The following COL23A1 variants were observed in gnomAD, a reference collection of about 807,000 sequenced individuals.
COL23A1 encodes collagen alpha-1(XXIII) chain.
A neutral mutation model predicts 99.3 loss-of-function variants in COL23A1; 97 were observed. That is an observed-to-expected ratio of 0.98 (90% CI 0.83 to 1.16). The LOEUF (loss-of-function observed/expected upper bound fraction) is 1.16, where lower values mean the gene tolerates loss of function less well. COL23A1 is among the 50% of genes most tolerant of loss of function. The pLI, the probability that COL23A1 is intolerant of heterozygous loss-of-function variation, is 0.00. For missense variants in COL23A1, 762 were observed against 757.4 expected (o/e 1.01, Z -0.07); for synonymous variants, 320 against 308.2 (o/e 1.04, Z -0.40).
Position 178,589,516 on chromosome 5 carries a change from TCA to T in COL23A1, c.294+386_294+387del, listed in dbSNP as rs1764160565. 6.6e-6 allele frequency among the ~76,000 whole-genome samples: 1 copy of T among 152,140 alleles called. No individual in the cohort carries two copies. The highest frequency in any genetic ancestry group is 6.5e-5 in the Admixed American group (1 of 15,278). On this transcript the variant is annotated intron_variant, in intron 1 of 28. Coordinates refer to ENST00000390654, the MANE Select transcript of COL23A1 (RefSeq NM_173465.4). This position sits in a 1 kb window ranked among gnomAD's most constrained non-coding sequence, Gnocchi z 5.4. ...GGTTAGGAACAGTAGGTGCTACTGG[TCA>T]CAGTCACCAGATACTTCCCACGAGC...
intron 2 of COL23A1, among the ~76,000 whole-genome samples, chr5:178,479,756 TTG>T (rs879790066): frequency 4.1e-4 from 63 of 152,214 alleles, no homozygotes; most frequent in Non-Finnish European, 5.9e-5. Context: ...AACAAAATAC[TTG>T]TAAGTGAAAT....
intron 1 of COL23A1, among the ~76,000 whole-genome samples, chr5:178,585,633 C>CGCCCTACAGCCCTGGATGGCGCTGGGGTA (rs1763931856): frequency 4.0e-5 from 1 of 25,078 alleles, no homozygotes; most frequent in Non-Finnish European, 7.7e-5. Flanking sequence ...GCTGGGGTAA[C>CGCCCTACAGCCCTGGATGGCGCTGGGGTA]ACTCCACAGC....
rs1446226123 is a variant in COL23A1, at chr5:178,256,399, T to C, written c.838-2A>G. 1 of 1,605,880 alleles carries C rather than the reference T, an allele frequency of 6.2e-7. No individual in the cohort carries two copies. The highest frequency in any genetic ancestry group is 2.2e-5 in the East Asian group (1 of 44,752). ...CGTGCCTCGGTGGCCAGGCTCCCCC[T>C]GTGGAGACATGCATTTGCAGCCAGA... On this transcript the variant is annotated splice_acceptor_variant, in intron 14 of 28. Transcript: ENST00000390654. LOFTEE classifies it high-confidence loss of function.
chr5:178,511,638 C>T (rs1759211293), intron 2 of COL23A1, among the ~76,000 whole-genome samples: 1 of 152,214 alleles, frequency 6.6e-6, no homozygotes, highest in Admixed American at 6.5e-5. Flanking sequence ...TGGGCTCAGG[C>T]TCACTTTACT....
chr5:178,476,406 A>G (rs1757028855), intron 2 of COL23A1, among the ~76,000 whole-genome samples: 1 of 152,130 alleles, frequency 6.6e-6, no homozygotes, highest in African/African-American at 2.4e-5. Context: ...GACAATCTGG[A>G]TTTGTGTGCC....
At chr5:178,542,570 A>T (rs1212502082) in intron 2 of COL23A1, among the ~76,000 whole-genome samples, 1 of 152,170 alleles carries the variant, frequency 6.6e-6, no homozygotes, top group East Asian at 1.9e-4. Context: ...GCTGGAAACA[A>T]ACCAGAAGGC....
At chr5:178,556,988 T>C (rs1283927751) in intron 2 of COL23A1, among the ~76,000 whole-genome samples, 1 of 151,922 alleles carries the variant, frequency 6.6e-6, no homozygotes, top group Non-Finnish European at 1.5e-5. Flanking sequence ...AAAAGTAAAG[T>C]AAAATAAAAT....
At chr5:178,532,455 C>T (rs1760700379) in intron 2 of COL23A1, among the ~76,000 whole-genome samples, 1 of 151,712 alleles carries the variant, frequency 6.6e-6, no homozygotes, top group Admixed American at 6.6e-5. Flanking sequence ...TCCAGAGACA[C>T]AGACTCAGCC....
chr5:178,438,299 T>C (rs908267683), intron 2 of COL23A1, among the ~76,000 whole-genome samples: 13 of 152,166 alleles, frequency 8.5e-5, no homozygotes, highest in African/African-American at 3.1e-4. Context: ...TTGGGTTACA[T>C]GAGCAAGAAT....
At chr5:178,330,703 CCT>C (rs967169050) in intron 2 of COL23A1, among the ~76,000 whole-genome samples, 1 of 152,076 alleles carries the variant, frequency 6.6e-6, no homozygotes, top group African/African-American at 2.4e-5. Context: ...CCTGTGTGGC[CCT>C]GTCTGATCTG....
At chr5:178,573,062 G>A (rs1291777221) in intron 1 of COL23A1, among the ~76,000 whole-genome samples, 1 of 152,196 alleles carries the variant, frequency 6.6e-6, no homozygotes, top group Non-Finnish European at 1.5e-5. Flanking sequence ...ATGGAAGGGA[G>A]GGAACTGAAC....
intron 2 of COL23A1, among the ~76,000 whole-genome samples, chr5:178,329,936 C>CA (rs11367167): frequency 9.5e-4 from 129 of 135,366 alleles, no homozygotes; most frequent in Middle Eastern, 7.9e-3. Flanking sequence ...GATTCTGTCT[C>CA]AAAAAAAAAA....
chr5:178,305,096 C>T (rs1380814773), intron 3 of COL23A1, among the ~76,000 whole-genome samples: 5 of 151,994 alleles, frequency 3.3e-5, no homozygotes, highest in Non-Finnish European at 5.9e-5. Flanking sequence ...AAACCCTTTA[C>T]GAGGGTAGAA....
At position 178,375,664 on chromosome 5, in the gene COL23A1, C is replaced by A. The variant is rs73806135; in HGVS notation, c.362-68745G>T. 4.2e-3 allele frequency among the ~76,000 whole-genome samples: 646 copies of A among 152,310 alleles called. 4 individuals are homozygous for A. The highest frequency in any genetic ancestry group is 0.014 in the African/African-American group (597 of 41,572). The stretch of plus-strand genomic sequence containing the variant: ...CACTGAGGTGGCCCCTGTGCTGGAT[C>A]CCCGTCTCCACCAGAAATCCACTTG... On this transcript the variant is annotated intron_variant, in intron 2 of 28. Coordinates refer to ENST00000390654, the MANE Select transcript of COL23A1 (RefSeq NM_173465.4).
At chr5:178,252,630 G>A (rs1282111751) in intron 16 of COL23A1, 33 bp from the exon 17 acceptor site, 1 of 1,579,744 alleles carries the variant, frequency 6.3e-7, no homozygotes, top group East Asian at 2.3e-5. Flanking sequence ...TCAGTGTCAT[G>A]GGTTAGGCAG....
At chr5:178,347,371 C>A (rs574522095) in intron 2 of COL23A1, among the ~76,000 whole-genome samples, 10 of 151,906 alleles carry the variant, frequency 6.6e-5, no homozygotes, top group Non-Finnish European at 1.5e-4. Flanking sequence ...ACAGGCGAAT[C>A]CAGAGAGACT....
chr5:178,304,505 C>CAAAA (rs35806686), intron 3 of COL23A1, among the ~76,000 whole-genome samples: 3 of 32,210 alleles, frequency 9.3e-5, no homozygotes, highest in African/African-American at 8.3e-5. Flanking sequence ...GCGACTGTCT[C>CAAAA]AAAAAAAAAA....
intron 18 of COL23A1, among the ~76,000 whole-genome samples, chr5:178,249,716 A>ACACACACACACTCACTCTCT: frequency 9.7e-5 from 9 of 92,750 alleles, no homozygotes; most frequent in Admixed American, 3.3e-4. Context: ...ACACACACAC[A>ACACACACACACTCACTCTCT]CTCTCTCTCT....
intron 2 of COL23A1, among the ~76,000 whole-genome samples, chr5:178,506,738 T>G (rs1314045088): frequency 6.6e-6 from 1 of 152,228 alleles, no homozygotes; most frequent in Non-Finnish European, 1.5e-5. Context: ...TACAATTACT[T>G]ATGGTCACAT....
Sources: allele counts gnomAD v4.1 joint callset (sites outside exome capture counted in the v4.1 genomes callset), GRCh38; gene constraint gnomAD v4.1.1; non-coding constraint Gnocchi (gnomAD v3.1); transcripts MANE v1.5; gene names NCBI Gene and HGNC (gene_info 2026-07-23, HGNC 2026-07-21).